OLFM3: variants seen among roughly 807,000 people sequenced by gnomAD.
OLFM3 encodes the protein noelin-3.
In OLFM3, 20 loss-of-function variants were observed where a neutral mutation model predicts 48.6. The ratio of observed to expected loss-of-function variants is 0.41; its 90% CI spans 0.29 to 0.60. The LOEUF is 0.60. Among genes scored for constraint, OLFM3 ranks in the 20% least tolerant of loss-of-function variants. The probability of loss-of-function intolerance (pLI) is 0.28; values close to 1 mark genes in which losing one functional copy is unlikely to be tolerated. For missense variants in OLFM3, 437 were observed against 544.3 expected, an observed-to-expected ratio of 0.80 and a Z score of 1.96; for synonymous variants, 222 against 198.1, an observed-to-expected ratio of 1.12 and a Z score of -1.01.
intron 1 of OLFM3, among the ~76,000 whole-genome samples, chr1:101,902,480 G>A (rs950750019): frequency 3.3e-5 from 5 of 151,982 alleles, no homozygotes; most frequent in African/African-American, 1.2e-4. Context: ...AAGGAACTAA[G>A]TAGTAGAGAG....
intron 1 of OLFM3, among the ~76,000 whole-genome samples, chr1:101,861,369 TATAC>T (rs1656649633): frequency 6.6e-6 from 1 of 151,578 alleles, no homozygotes. Flanking sequence ...GAGATTTGAT[TATAC>T]TTTTGTCTGT....
At chr1:101,934,240 C>T (rs1160950556) in intron 1 of OLFM3, among the ~76,000 whole-genome samples, 1 of 152,166 alleles carries the variant, frequency 6.6e-6, no homozygotes, top group Non-Finnish European at 1.5e-5. Context: ...TGTGATGATA[C>T]TCACAGCCTC....
intron 1 of OLFM3, among the ~76,000 whole-genome samples, chr1:101,985,647 A>G (rs1448158243): frequency 3.3e-5 from 5 of 152,164 alleles, no homozygotes; most frequent in African/African-American, 4.8e-5. Context: ...TTTAACTTTC[A>G]TAAGATAAAG....
chr1:101,846,828 C>G, intron 1 of OLFM3: 1 of 1,585,300 alleles, frequency 6.3e-7, no homozygotes, highest in Non-Finnish European at 8.7e-7. Flanking sequence ...ATGGCCAAAC[C>G]CACCGCAGTA....
chr1:101,929,182 A>G (rs1284847209), intron 1 of OLFM3, among the ~76,000 whole-genome samples: 1 of 152,130 alleles, frequency 6.6e-6, no homozygotes, highest in Admixed American at 6.6e-5. Context: ...ATATTCAATC[A>G]TTCTGGCACT....
intron 1 of OLFM3, among the ~76,000 whole-genome samples, chr1:101,873,343 A>T (rs551330438): frequency 1.7e-4 from 26 of 152,076 alleles, no homozygotes; most frequent in Non-Finnish European, 5.9e-5. Flanking sequence ...TTTATATATC[A>T]CAATTTATTT....
chr1:101,986,095 A>G (rs1224820919), intron 1 of OLFM3, among the ~76,000 whole-genome samples: 19 of 149,848 alleles, frequency 1.3e-4, no homozygotes, highest in African/African-American at 2.5e-4. Context: ...CCTCCCGAGT[A>G]GCTGGGACTA....
intron 1 of OLFM3, among the ~76,000 whole-genome samples, chr1:101,933,228 A>AG (rs1557735949): frequency 1.4e-5 from 2 of 144,040 alleles, no homozygotes; most frequent in African/African-American, 5.1e-5. Context: ...AAAAAAAAAA[A>AG]AGAGAAAAAA....
chr1:101,944,237 G>C (rs1013764371), intron 1 of OLFM3, among the ~76,000 whole-genome samples: 3 of 151,930 alleles, frequency 2.0e-5, no homozygotes, highest in African/African-American at 7.3e-5. Context: ...TGAAAATTAA[G>C]AGCTTACTTT....
intron 1 of OLFM3, among the ~76,000 whole-genome samples, chr1:101,972,527 A>T (rs1660833417): frequency 6.6e-6 from 1 of 152,310 alleles, no homozygotes; most frequent in Admixed American, 6.5e-5. Flanking sequence ...AAAACATTTT[A>T]AAAATGATTA....
At chr1:101,808,844 A>C (rs899622296) in intron 4 of OLFM3, among the ~76,000 whole-genome samples, 2 of 151,872 alleles carry the variant, frequency 1.3e-5, no homozygotes, top group Admixed American at 6.6e-5. Context: ...ACTGATGTAA[A>C]TGTTCAGAAA....
intron 1 of OLFM3, among the ~76,000 whole-genome samples, chr1:101,873,455 TA>T (rs1657171335): frequency 6.6e-6 from 1 of 151,818 alleles, no homozygotes; most frequent in Non-Finnish European, 1.5e-5. Flanking sequence ...ACATATACAT[TA>T]TAATACTATC....
At chr1:101,911,540 T>C (rs551320771) in intron 1 of OLFM3, among the ~76,000 whole-genome samples, 1 of 152,264 alleles carries the variant, frequency 6.6e-6, no homozygotes, top group African/African-American at 2.4e-5. Context: ...ATAAGTGAAA[T>C]TAACATACTC....
At chr1:101,977,649 T>C (rs536353202) in intron 1 of OLFM3, among the ~76,000 whole-genome samples, 1 of 152,268 alleles carries the variant, frequency 6.6e-6, no homozygotes, top group South Asian at 2.1e-4. Flanking sequence ...AGACAGAATA[T>C]TTAAAATGGC....
intron 1 of OLFM3, among the ~76,000 whole-genome samples, chr1:101,931,290 T>C (rs1240376183): frequency 6.6e-6 from 1 of 152,190 alleles, no homozygotes; most frequent in Non-Finnish European, 1.5e-5. Context: ...GACATTCATA[T>C]AAATTAATCC....
intron 2 of OLFM3, 58 bp from the exon 3 acceptor site, chr1:101,830,885 C>CT (rs748343337): frequency 7.3e-6 from 11 of 1,500,118 alleles, no homozygotes; most frequent in Non-Finnish European, 9.9e-6. Context: ...TGTGCAATCA[C>CT]TAAGAAATAG....
At chr1:101,959,476 C>T (rs1660403900) in intron 1 of OLFM3, among the ~76,000 whole-genome samples, 1 of 152,084 alleles carries the variant, frequency 6.6e-6, no homozygotes, top group South Asian at 2.1e-4. Flanking sequence ...TATCCCTCAT[C>T]AAGCACTTCT....
At chr1:101,809,492 A>C (rs936823133) in intron 4 of OLFM3, among the ~76,000 whole-genome samples, 1 of 151,896 alleles carries the variant, frequency 6.6e-6, no homozygotes, top group Admixed American at 6.6e-5. Flanking sequence ...GCACTTTCCA[A>C]AAATTTACCT....
chr1:101,986,388 G>A (rs570446355), intron 1 of OLFM3, among the ~76,000 whole-genome samples: 1 of 152,158 alleles, frequency 6.6e-6, no homozygotes, highest in South Asian at 2.1e-4. Context: ...AAACTTTACT[G>A]ACTTGCCCAG....
Sources: gnomAD v4.1 joint callset for allele counts (sites outside exome capture counted in the v4.1 genomes callset) on GRCh38, gnomAD v4.1.1 for gene constraint, MANE v1.5 for transcripts, NCBI Gene and HGNC (gene_info 2026-07-23, HGNC 2026-07-21) for gene names.